The following ROR2 variants were observed in gnomAD, a reference collection of about 807,000 sequenced individuals.
The protein encoded by ROR2 is ROR family WNT receptor 2.
In ROR2, 33 loss-of-function variants were observed where a neutral mutation model predicts 74.9. That is an observed-to-expected ratio of 0.44 (90% CI 0.33 to 0.59). ROR2 has a LOEUF of 0.59. Among genes scored for constraint, ROR2 ranks in the 20% least tolerant of loss-of-function variants. The pLI is 0.02. For missense variants in ROR2, 1,216 were observed against 1,313.8 expected, an observed-to-expected ratio of 0.93 and a Z score of 1.15; for synonymous variants, 586 against 558.7, an observed-to-expected ratio of 1.05 and a Z score of -0.69.
At chr9:91,933,965 G>A (rs1460616015) in intron 1 of ROR2, among the ~76,000 whole-genome samples, 1 of 152,092 alleles carries the variant, frequency 6.6e-6, no homozygotes, top group African/African-American at 2.4e-5. Flanking sequence ...ACATTGAATT[G>A]TTCACTTTAA....
At chr9:91,789,317 T>C (rs1002685070) in intron 1 of ROR2, among the ~76,000 whole-genome samples, 1 of 152,166 alleles carries the variant, frequency 6.6e-6, no homozygotes, top group African/African-American at 2.4e-5. Flanking sequence ...TCAAGAGTCC[T>C]TCAAGATGAA....
chr9:91,769,704 C>A (rs145993592), intron 2 of ROR2, among the ~76,000 whole-genome samples: 1,806 of 152,296 alleles, frequency 0.012, 15 homozygotes, highest in Admixed American at 0.019. Context: ...TGGGGCTCAG[C>A]CTCTCGACCA....
intron 1 of ROR2, among the ~76,000 whole-genome samples, chr9:91,796,593 C>A (rs1279276959): frequency 1.3e-5 from 2 of 152,190 alleles, no homozygotes; most frequent in Non-Finnish European, 2.9e-5. Context: ...CTAAGCTATG[C>A]CTGGGTACCT....
At chr9:91,930,869 A>C (rs1831532367) in intron 1 of ROR2, among the ~76,000 whole-genome samples, 1 of 152,252 alleles carries the variant, frequency 6.6e-6, no homozygotes, top group African/African-American at 2.4e-5. Flanking sequence ...CCTAATTCCC[A>C]AGAAGAATGG....
At chr9:91,853,765 G>C (rs959608010) in intron 1 of ROR2, among the ~76,000 whole-genome samples, 4 of 152,178 alleles carry the variant, frequency 2.6e-5, no homozygotes, top group African/African-American at 9.7e-5. Context: ...GAGCCGAGTT[G>C]GTCAAATTTT....
intron 1 of ROR2, chr9:91,948,786 G>A: frequency 1.0e-6 from 1 of 985,458 alleles, no homozygotes; most frequent in Non-Finnish European, 1.2e-6. Flanking sequence ...ACATTCCGGG[G>A]GCTTCAGGCG....
chr9:91,757,674 C>T lies in ROR2; in HGVS notation c.176-115G>A, dbSNP rs60617711. On this transcript the variant is annotated intron_variant, in intron 2 of 8. Transcript: ENST00000375708. The stretch of plus-strand genomic sequence containing the variant: ...GGAAGGTTTCGATTTTTGTCACCTA[C>T]TAAAATAGGTTGTTATCTGCGGTAA... 0.035 allele frequency: 39,556 copies of T among 1,120,670 alleles called. 1,268 individuals carry two copies. Among genetic ancestry groups the T allele is most frequent in the East Asian group, 0.11 (4,358 of 38,918 alleles). 69.4% of individuals were successfully genotyped at this position (1,120,670 alleles called of 1,614,324 possible). A position where few individuals can be genotyped will look rare whatever the true frequency, so the allele number is the denominator to read the frequency against.
Position 91,757,266 on chromosome 9 carries a change from A to T in ROR2, c.463+6T>A. 6.2e-7 allele frequency: 1 copy of T among 1,613,378 alleles called. No homozygotes were observed. The highest frequency in any genetic ancestry group is 1.7e-5 in the Admixed American group (1 of 59,964). Reference sequence around the variant, plus strand: ...CTAACCCACACAATTTCACTGTCCAACTCACCCAGCCGCACAAACAGGACG... The same window carrying T: ...CTAACCCACACAATTTCACTGTCCATCTCACCCAGCCGCACAAACAGGACG... On this transcript the variant is annotated splice_donor_region_variant and intron_variant, in intron 3 of 8. Coordinates refer to ENST00000375708, the MANE Select transcript of ROR2 (RefSeq NM_004560.4).
chr9:91,853,798 C>T (rs1721366586), intron 1 of ROR2, among the ~76,000 whole-genome samples: 1 of 152,142 alleles, frequency 6.6e-6, no homozygotes, highest in African/African-American at 2.4e-5. Flanking sequence ...TTCAACTCGG[C>T]CTGATGGGGC....
chr9:91,855,988 T>C (rs969371471), intron 1 of ROR2, among the ~76,000 whole-genome samples: 2 of 151,980 alleles, frequency 1.3e-5, no homozygotes, highest in Non-Finnish European at 1.5e-5. Flanking sequence ...ACCCATAAAA[T>C]CTTGGAATGC....
chr9:91,856,493 A>G (rs901008081), intron 1 of ROR2, among the ~76,000 whole-genome samples: 6 of 152,216 alleles, frequency 3.9e-5, no homozygotes, highest in Admixed American at 2.0e-4. Flanking sequence ...GGTAAAAACA[A>G]GGTCATATGA....
intron 1 of ROR2, among the ~76,000 whole-genome samples, chr9:91,840,581 C>G (rs1444622030): frequency 6.6e-6 from 1 of 152,246 alleles, no homozygotes; most frequent in African/African-American, 2.4e-5. Context: ...GGGGGCCTTC[C>G]TCCTGAGCTG....
chr9:91,936,418 CCT>C (rs896162094), intron 1 of ROR2, among the ~76,000 whole-genome samples: 2 of 152,188 alleles, frequency 1.3e-5, no homozygotes, highest in African/African-American at 2.4e-5. Context: ...GTCATCTGCC[CCT>C]GTGTGAGCTG....
At chr9:91,830,827 T>A (rs1284130498) in intron 1 of ROR2, among the ~76,000 whole-genome samples, 6 of 151,270 alleles carry the variant, frequency 4.0e-5, no homozygotes, top group African/African-American at 1.2e-4. Flanking sequence ...TGTGTGTGTG[T>A]GTGTGTGTGT....
At chr9:91,802,067 G>GTTTT (rs60111555) in intron 1 of ROR2, among the ~76,000 whole-genome samples, 23 of 103,700 alleles carry the variant, frequency 2.2e-4, no homozygotes, top group Non-Finnish European at 3.5e-4. Flanking sequence ...TTTGGAAGGT[G>GTTTT]TTTTTTTTTT....
intron 2 of ROR2, among the ~76,000 whole-genome samples, chr9:91,761,315 G>A (rs1404078246): frequency 6.6e-6 from 1 of 152,174 alleles, no homozygotes; most frequent in Non-Finnish European, 1.5e-5. Flanking sequence ...TAATTCAAGA[G>A]CATTACATTT....
intron 1 of ROR2, among the ~76,000 whole-genome samples, chr9:91,885,292 T>C (rs1190054034): frequency 6.6e-6 from 1 of 151,956 alleles, no homozygotes. Flanking sequence ...AAAGGAGCCT[T>C]TGTTGAAGCT....
intron 1 of ROR2, among the ~76,000 whole-genome samples, chr9:91,908,062 G>C (rs1411721048): frequency 6.6e-6 from 1 of 151,884 alleles, no homozygotes; most frequent in Admixed American, 6.5e-5. Flanking sequence ...AAAACCCTAT[G>C]ACAAAAAGTT....
intron 1 of ROR2, among the ~76,000 whole-genome samples, chr9:91,889,761 T>A (rs1050678398): frequency 8.5e-5 from 13 of 152,140 alleles, no homozygotes; most frequent in African/African-American, 3.1e-4. Flanking sequence ...TCCAAAAACT[T>A]AGCGCTAAGC....
Sources: allele counts gnomAD v4.1 joint callset (sites outside exome capture counted in the v4.1 genomes callset), GRCh38; gene constraint gnomAD v4.1.1; transcripts MANE v1.5; gene names NCBI Gene and HGNC (gene_info 2026-07-23, HGNC 2026-07-21).